SNAP91: variants seen among roughly 807,000 people sequenced by gnomAD.
The protein encoded by SNAP91 is clathrin coat assembly protein AP180.
SNAP91 carries 27 observed loss-of-function variants against 100.3 expected under a neutral mutation model. The observed-to-expected ratio is 0.27, with a 90% confidence interval of 0.20 to 0.37. The LOEUF (loss-of-function observed/expected upper bound fraction) is 0.37. SNAP91 is among the 10% of genes least tolerant of loss of function. The pLI is 1.00. For synonymous variants in SNAP91, 404 were observed against 398.6 expected (o/e 1.01, Z -0.16); for missense variants, 986 against 1,123.7 (o/e 0.88, Z 1.75).
At chr6:83,635,506 C>T (rs1446009430) in intron 8 of SNAP91, among the ~76,000 whole-genome samples, 1 of 152,018 alleles carries the variant, frequency 6.6e-6, no homozygotes, top group African/African-American at 2.4e-5. Flanking sequence ...AGAGCAACAA[C>T]CTCTGTCCTT....
At chr6:83,696,720 G>T (rs1248413542) in intron 2 of SNAP91, among the ~76,000 whole-genome samples, 4 of 152,016 alleles carry the variant, frequency 2.6e-5, no homozygotes, top group African/African-American at 9.7e-5. Flanking sequence ...AAGTGCCTCC[G>T]CTGTAGTCTT....
chr6:83,593,374 T>A, intron 18 of SNAP91, 104 bp downstream of exon 18: 5 of 1,518,168 alleles, frequency 3.3e-6, no homozygotes, highest in Non-Finnish European at 1.8e-6. Context: ...AGCAAATGGT[T>A]TCTAGAGAAC....
chr6:83,639,116 C>T (rs1233710547), intron 8 of SNAP91, among the ~76,000 whole-genome samples: 3 of 152,162 alleles, frequency 2.0e-5, no homozygotes, highest in African/African-American at 7.2e-5. Flanking sequence ...GTTACTATTT[C>T]CCAAATAACC....
chr6:83,650,388 C>A (rs1384303278), intron 7 of SNAP91, among the ~76,000 whole-genome samples: 3 of 152,096 alleles, frequency 2.0e-5, no homozygotes, highest in Non-Finnish European at 4.4e-5. Context: ...AGAATATTAG[C>A]TATTTAATAG....
chr6:83,662,351 G>C lies in SNAP91; in HGVS notation c.345C>G (p.Ser115=), dbSNP rs749765998. 1 of 1,402,024 alleles carries C rather than the reference G, an allele frequency of 7.1e-7. No individual in the cohort carries two copies. The highest frequency in any genetic ancestry group is 9.5e-7 in the Non-Finnish European group (1 of 1,052,252). 86.8% of individuals were successfully genotyped at this position (1,402,024 alleles called of 1,614,324 possible). ...NLSNFLDKSG[S]HGYDMSTFIR... ...ATAAAATACAAATATTCTCACCATGGGATCCACTTTTGTCCAAAAAATTGC... is the reference window on the plus strand; with the variant it reads ...ATAAAATACAAATATTCTCACCATGCGATCCACTTTTGTCCAAAAAATTGC... The change falls in exon 4 of 30, where the codon TCC becomes TCG. Residue 115 remains serine, a synonymous_variant. Coordinates refer to ENST00000369694, the MANE Select transcript of SNAP91 (RefSeq NM_001242792.2).
intron 13 of SNAP91, among the ~76,000 whole-genome samples, chr6:83,606,532 A>G (rs772182549): frequency 4.7e-4 from 71 of 152,296 alleles, no homozygotes; most frequent in Admixed American, 2.6e-3. Flanking sequence ...CATACCCTGT[A>G]TCTACCACCT....
In SNAP91 at chr6:83,571,966, G is replaced by A. The variant is rs1808629547; in HGVS notation, c.2442+3044C>T. Among the ~76,000 whole-genome samples the A allele has an allele frequency of 1.3e-5, 2 of 152,146 alleles. 1 individual carries two copies. Among genetic ancestry groups the A allele is most frequent in the South Asian group, 4.2e-4 (2 of 4,818 alleles). On this transcript the variant is annotated intron_variant, in intron 26 of 29. Coordinates refer to ENST00000369694, the MANE Select transcript of SNAP91 (RefSeq NM_001242792.2). ...AATAAGGGGGAGTTTCCCTGCACAAGCTCTTCCTTTGCCTGCTGCTATCCA... is the reference window on the plus strand; with the variant it reads ...AATAAGGGGGAGTTTCCCTGCACAAACTCTTCCTTTGCCTGCTGCTATCCA...
At chr6:83,669,832 C>A (rs1167722131) in intron 2 of SNAP91, among the ~76,000 whole-genome samples, 1 of 151,712 alleles carries the variant, frequency 6.6e-6, no homozygotes, top group East Asian at 1.9e-4. Context: ...TAATTCATTC[C>A]TTTTTATTGT....
intron 22 of SNAP91, among the ~76,000 whole-genome samples, chr6:83,584,915 A>G (rs1582383394): frequency 6.6e-6 from 1 of 152,164 alleles, no homozygotes; most frequent in Admixed American, 6.5e-5. Context: ...CTTCCCATAC[A>G]TTTATAAAAT....
chr6:83,649,968 T>A (rs1468183987), intron 7 of SNAP91, among the ~76,000 whole-genome samples: 1 of 152,126 alleles, frequency 6.6e-6, no homozygotes, highest in Non-Finnish European at 1.5e-5. Context: ...AAGTTCAAAG[T>A]TCATTTCTTT....
At chr6:83,626,360 A>G (rs530071652) in intron 8 of SNAP91, among the ~76,000 whole-genome samples, 1 of 152,152 alleles carries the variant, frequency 6.6e-6, no homozygotes, top group South Asian at 2.1e-4. Context: ...TTGGCTTCAT[A>G]TAAATTTAGA....
At chr6:83,684,211 C>T (rs1409815142) in intron 2 of SNAP91, among the ~76,000 whole-genome samples, 1 of 152,108 alleles carries the variant, frequency 6.6e-6, no homozygotes, top group Non-Finnish European at 1.5e-5. Context: ...TCTGGACTGG[C>T]ATTAAATACC....
In SNAP91 at chr6:83,707,203, G is replaced by A. The variant is rs917379960; in HGVS notation, c.130+595C>T. ...AAAATGAAATTGCCATAGCTATGAA[G>A]TCCAATTTCCTCATTCAGTACCTTG... On this transcript the variant is annotated intron_variant, in intron 2 of 29. Coordinates refer to ENST00000369694, the MANE Select transcript of SNAP91 (RefSeq NM_001242792.2). Among the ~76,000 whole-genome samples the A allele has an allele frequency of 3.3e-5, 5 of 152,070 alleles. 1 individual carries two copies. The highest frequency in any genetic ancestry group is 3.3e-4 in the Admixed American group (5 of 15,262).
chr6:83,661,456 A>C (rs756314452), intron 5 of SNAP91, 46 bp downstream of exon 5: 21 of 1,225,132 alleles, frequency 1.7e-5, no homozygotes, highest in African/African-American at 4.6e-5. Context: ...AGTATGCCTC[A>C]AAGACTTATT....
intron 7 of SNAP91, among the ~76,000 whole-genome samples, chr6:83,652,195 A>G (rs1171181552): frequency 6.6e-6 from 1 of 152,158 alleles, no homozygotes; most frequent in Non-Finnish European, 1.5e-5. Flanking sequence ...CATTGAGGTT[A>G]AAGTGATTTT....
rs949202632 is a variant in SNAP91, at chr6:83,708,837, G to C, written c.-31+8C>G. 6.6e-6 allele frequency: 1 copy of C among 152,020 alleles called. No individual in the cohort carries two copies. The highest frequency in any genetic ancestry group is 1.5e-5 in the Non-Finnish European group (1 of 68,002). 9.4% of individuals were successfully genotyped at this position (152,020 alleles called of 1,614,324 possible). A position where few individuals can be genotyped will look rare whatever the true frequency, so the allele number is the denominator to read the frequency against. On this transcript the variant is annotated splice_region_variant and intron_variant, in intron 1 of 29. Transcript: ENST00000369694. ...GGGAGGGGGCCGAGTACGGCCGCGG[G>C]TACTCACCCCGCCCCTGAGCGGCGC...
At chr6:83,559,989 A>C in intron 28 of SNAP91, 115 bp downstream of exon 28, 1 of 840,524 alleles carries the variant, frequency 1.2e-6, no homozygotes, top group Non-Finnish European at 2.0e-6. Flanking sequence ...TTTACTTCTG[A>C]AGCAACAGGT....
rs2273364 is a variant in SNAP91 at position 83,591,431 on chromosome 6, G to A, written c.1931-137C>T. Reference sequence around the variant, plus strand: ...CTTGTCTTTTGTGGGTGTGTGAAATGATCACATGAATTGAATTATGCTCTG... The same window carrying A: ...CTTGTCTTTTGTGGGTGTGTGAAATAATCACATGAATTGAATTATGCTCTG... On this transcript the variant is annotated intron_variant, in intron 21 of 29. Coordinates refer to ENST00000369694, the MANE Select transcript of SNAP91 (RefSeq NM_001242792.2). 3.8e-3 allele frequency: 2,176 copies of A among 568,742 alleles called. 67 individuals carry two copies. In the East Asian group the frequency reaches 0.059, roughly 16 times the overall value. 35.2% of individuals were successfully genotyped at this position (568,742 alleles called of 1,614,324 possible).
chr6:83,602,698 C>T (rs1433042213), intron 14 of SNAP91, among the ~76,000 whole-genome samples: 1 of 152,042 alleles, frequency 6.6e-6, no homozygotes, highest in African/African-American at 2.4e-5. Flanking sequence ...TCTTTATTAG[C>T]ATTTCCCCCC....
Sources: allele counts gnomAD v4.1 joint callset (sites outside exome capture counted in the v4.1 genomes callset), GRCh38; gene constraint gnomAD v4.1.1; transcripts MANE v1.5; gene names NCBI Gene and HGNC (gene_info 2026-07-23, HGNC 2026-07-21).